GPHN: variants seen among roughly 807,000 people sequenced by gnomAD.
GPHN encodes the protein gephyrin.
A neutral mutation model predicts 95.5 loss-of-function variants in GPHN; 17 were observed. The observed-to-expected ratio is 0.18, with a 90% CI of 0.12 to 0.27. The LOEUF is 0.27. GPHN is among the 10% of genes least tolerant of loss of function. GPHN has a pLI of 1.00. For missense variants in GPHN, 660 were observed against 978.1 expected, an observed-to-expected ratio of 0.67 and a Z score of 4.34; for synonymous variants, 320 against 322.5, an observed-to-expected ratio of 0.99 and a Z score of 0.08.
rs189756476 is a variant in GPHN at position 66,636,008 on chromosome 14, A to C, written c.65-45099A>C. On this transcript the variant is annotated intron_variant, in intron 1 of 22. Transcript: ENST00000478722. The stretch of plus-strand genomic sequence containing the variant: ...AAAAAGAAAAAGAAAAAGTGATTTT[A>C]GATCTTTTCAAAGATTTGTTTAATG... 5.9e-5 allele frequency among the ~76,000 whole-genome samples: 9 copies of C among 152,292 alleles called. No individual in the cohort carries two copies. The South Asian group carries it at 1.0e-3, about 18-fold the overall frequency.
intron 1 of GPHN, among the ~76,000 whole-genome samples, chr14:66,522,413 A>C (rs2058519845): frequency 6.6e-6 from 1 of 152,200 alleles, no homozygotes; most frequent in South Asian, 2.1e-4. Flanking sequence ...TACATGATCA[A>C]ATAAATGTGG....
At chr14:67,124,248 A>C (rs1478142584) in intron 17 of GPHN, among the ~76,000 whole-genome samples, 2 of 152,090 alleles carry the variant, frequency 1.3e-5, no homozygotes, top group Admixed American at 6.5e-5. Context: ...TCTACTAAAA[A>C]TATGAAAATT....
the GPHN span, among the ~76,000 whole-genome samples, chr14:67,495,936 C>T: frequency 8.7e-3 from 1,319 of 152,378 alleles, 16 homozygotes; most frequent in African/African-American, 0.029. Context: ...TCAGCACCAT[C>T]ACAGCCACCT....
rs984885880 is a variant in GPHN, at chr14:66,728,145, C to T, written c.143+46960C>T. 7.2e-5 allele frequency among the ~76,000 whole-genome samples: 11 copies of T among 152,200 alleles called. No individual in the cohort carries two copies. In the South Asian group the frequency reaches 1.0e-3, roughly 14 times the overall value. Reference sequence around the variant, plus strand: ...CAGCTTCTACATGATGTTGAGCCTGCGAGTGCACAGAAGTCAAGAATTGGG... The same window carrying T: ...CAGCTTCTACATGATGTTGAGCCTGTGAGTGCACAGAAGTCAAGAATTGGG... On this transcript the variant is annotated intron_variant, in intron 2 of 22. Coordinates refer to ENST00000478722, the MANE Select transcript of GPHN (RefSeq NM_020806.5).
chr14:66,607,148 C>T (rs1373077092), intron 1 of GPHN, among the ~76,000 whole-genome samples: 2 of 151,952 alleles, frequency 1.3e-5, no homozygotes, highest in Non-Finnish European at 2.9e-5. Flanking sequence ...TATGTTCCTT[C>T]GAAGCCTTGT....
chr14:67,288,271 G>A, the GPHN span, among the ~76,000 whole-genome samples: 1 of 152,038 alleles, frequency 6.6e-6, no homozygotes, highest in Admixed American at 6.6e-5. Context: ...CAGTAGAGAC[G>A]GGATTTTACC....
chr14:67,586,723 C>T, the GPHN span: 26 of 1,049,652 alleles, frequency 2.5e-5, no homozygotes, highest in Non-Finnish European at 3.1e-5. Flanking sequence ...TAGAGTTTGC[C>T]AAACCTACTC....
At chr14:67,323,225 A>G in the GPHN span, among the ~76,000 whole-genome samples, 7,432 of 110,766 alleles carry the variant, frequency 0.067, 834 homozygotes, top group East Asian at 0.46. Context: ...ATATACACAT[A>G]TATACACGTG....
At chr14:67,613,837 CTG>C in the GPHN span, 398 of 164,882 alleles carry the variant, frequency 2.4e-3, 2 homozygotes, top group African/African-American at 8.6e-3. Context: ...TTTGCAATCA[CTG>C]TGGCGCCTTG....
chr14:67,310,096 A>G, the GPHN span, among the ~76,000 whole-genome samples: 1 of 152,004 alleles, frequency 6.6e-6, no homozygotes, highest in Admixed American at 6.6e-5. Context: ...ATTTCTAGAT[A>G]AAACTACATA....
At chr14:67,323,878 G>C in the GPHN span, 2 of 807,394 alleles carry the variant, frequency 2.5e-6, no homozygotes, top group African/African-American at 3.7e-5. Context: ...GGTCTAATTT[G>C]TCCTGGTGCT....
At chr14:66,794,470 G>T (rs2060088308) in intron 3 of GPHN, among the ~76,000 whole-genome samples, 2 of 152,048 alleles carry the variant, frequency 1.3e-5, no homozygotes, top group South Asian at 2.1e-4. Flanking sequence ...CCAGTCTCAG[G>T]TATTTCTTTA....
the GPHN span, among the ~76,000 whole-genome samples, chr14:67,517,410 A>G: frequency 6.6e-6 from 1 of 152,204 alleles, no homozygotes; most frequent in Non-Finnish European, 1.5e-5. Context: ...TGCTCACAAT[A>G]TTTTTAGGGA....
chr14:66,730,250 T>C (rs1163364013), intron 2 of GPHN, among the ~76,000 whole-genome samples: 1 of 152,206 alleles, frequency 6.6e-6, no homozygotes, highest in Non-Finnish European at 1.5e-5. Flanking sequence ...TAGAGTCTGC[T>C]AGGCTCCATG....
chr14:67,652,273 T>C, the GPHN span: 1 of 152,406 alleles, frequency 6.6e-6, no homozygotes, highest in African/African-American at 2.4e-5. Context: ...AATTCAAATA[T>C]TGTCTTCAAA....
chr14:66,675,876 C>T (rs1398623499), intron 1 of GPHN, among the ~76,000 whole-genome samples: 1 of 152,048 alleles, frequency 6.6e-6, no homozygotes, highest in Non-Finnish European at 1.5e-5. Flanking sequence ...CAGGTATTGA[C>T]TGCAAATGGG....
the GPHN span, among the ~76,000 whole-genome samples, chr14:67,712,246 C>T: frequency 6.7e-6 from 1 of 148,700 alleles, no homozygotes; most frequent in Admixed American, 6.8e-5. Context: ...TTAACTGGAT[C>T]TCTGAGCTCT....
At chr14:67,655,304 G>A in the GPHN span, among the ~76,000 whole-genome samples, 1 of 152,090 alleles carries the variant, frequency 6.6e-6, no homozygotes, top group Non-Finnish European at 1.5e-5. Flanking sequence ...TCCAGCCTGG[G>A]TGACAGAGCA....
chr14:67,286,089 A>G, the GPHN span, among the ~76,000 whole-genome samples: 7 of 152,358 alleles, frequency 4.6e-5, no homozygotes, highest in African/African-American at 1.7e-4. Flanking sequence ...TAAACTAGAT[A>G]TAAAGAAATT....
Sources: allele counts gnomAD v4.1 joint callset (sites outside exome capture counted in the v4.1 genomes callset), GRCh38; gene constraint gnomAD v4.1.1; transcripts MANE v1.5; gene names NCBI Gene and HGNC (gene_info 2026-07-23, HGNC 2026-07-21).